Variants in ASTN2 observed in about 807,000 individuals in gnomAD.
ASTN2 encodes the protein astrotactin 2.
Under a neutral mutation model 139.8 loss-of-function variants are expected in ASTN2, and 54 were observed. That is an observed-to-expected ratio of 0.39 (90% confidence interval 0.31 to 0.48). The LOEUF is 0.48. Ranked by LOEUF, ASTN2 falls within the 20% of genes least tolerant of loss-of-function variation. The pLI is 0.95. For missense variants in ASTN2, 1,565 were observed against 1,725.1 expected (o/e 0.91, Z 1.64); for synonymous variants, 756 against 719.5 (o/e 1.05, Z -0.81).
chr9:117,096,041 T>C lies in ASTN2; in HGVS notation c.1276+3A>G. The C allele has an allele frequency of 6.2e-7, 1 of 1,613,744 alleles. No individual in the cohort carries two copies. Among genetic ancestry groups the C allele is most frequent in the Non-Finnish European group, 8.5e-7 (1 of 1,179,722 alleles). On this transcript the variant is annotated splice_donor_region_variant and intron_variant, in intron 5 of 22. Coordinates refer to ENST00000313400, the MANE Select transcript of ASTN2 (RefSeq NM_001365068.1). Reference sequence around the variant, plus strand: ...TTCTGGAACCTTCCAAGGACACTATTACCTTTGCTGCGGCGGCGACTGCGG... The same window carrying C: ...TTCTGGAACCTTCCAAGGACACTATCACCTTTGCTGCGGCGGCGACTGCGG...
intron 17 of ASTN2, among the ~76,000 whole-genome samples, chr9:116,624,665 T>C (rs1856350945): frequency 6.6e-6 from 1 of 152,230 alleles, no homozygotes; most frequent in South Asian, 2.1e-4. Flanking sequence ...CTGTAATTTT[T>C]ACACTAAAAA....
intron 13 of ASTN2, among the ~76,000 whole-genome samples, chr9:116,778,905 C>A (rs1830150737): frequency 6.6e-6 from 1 of 152,128 alleles, no homozygotes; most frequent in East Asian, 1.9e-4. Context: ...CCTCTTGAGA[C>A]ATCTGTGAAA....
intron 5 of ASTN2, among the ~76,000 whole-genome samples, chr9:117,085,266 G>A (rs971070240): frequency 1.3e-5 from 2 of 152,192 alleles, no homozygotes; most frequent in African/African-American, 4.8e-5. Context: ...ATCCTAGCCT[G>A]TGGCTAAGTT....
intron 1 of ASTN2, among the ~76,000 whole-genome samples, chr9:117,335,797 T>C (rs1282143466): frequency 6.6e-6 from 1 of 152,052 alleles, no homozygotes; most frequent in African/African-American, 2.4e-5. Flanking sequence ...AAAAGGGACT[T>C]GCTCAAGATC....
At chr9:116,860,691 C>G (rs143723134) in intron 11 of ASTN2, among the ~76,000 whole-genome samples, 16 of 152,290 alleles carry the variant, frequency 1.1e-4, no homozygotes, top group African/African-American at 1.4e-4. Flanking sequence ...GAGACATGGT[C>G]TTGGTCCTCC....
At chr9:116,483,420 A>T (rs1382160607) in intron 20 of ASTN2, among the ~76,000 whole-genome samples, 1 of 152,104 alleles carries the variant, frequency 6.6e-6, no homozygotes, top group Non-Finnish European at 1.5e-5. Flanking sequence ...GCTACAGAAA[A>T]AATTTGCCTT....
chr9:116,453,085 T>TCTGAG (rs1228836214), intron 20 of ASTN2, among the ~76,000 whole-genome samples: 2 of 152,134 alleles, frequency 1.3e-5, no homozygotes, highest in Non-Finnish European at 2.9e-5. Context: ...TCTACTCAGT[T>TCTGAG]CTGAGCTGAG....
chr9:116,875,920 T>C (rs896055066), intron 10 of ASTN2, among the ~76,000 whole-genome samples: 3 of 152,226 alleles, frequency 2.0e-5, no homozygotes, highest in African/African-American at 7.2e-5. Flanking sequence ...CATAAGAGGT[T>C]AATGTTGTTT....
chr9:116,704,576 G>C (rs1827941809), intron 16 of ASTN2, among the ~76,000 whole-genome samples: 1 of 152,194 alleles, frequency 6.6e-6, no homozygotes, highest in Non-Finnish European at 1.5e-5. Context: ...ATTATAGGGG[G>C]CAAAAGCATC....
chr9:117,106,233 T>C (rs533567705), intron 4 of ASTN2, among the ~76,000 whole-genome samples: 6 of 152,274 alleles, frequency 3.9e-5, no homozygotes, highest in Non-Finnish European at 7.3e-5. Context: ...TTTCTTCTTT[T>C]TTTTTTCTTT....
intron 4 of ASTN2, among the ~76,000 whole-genome samples, chr9:117,117,293 G>A (rs763237540): frequency 5.3e-5 from 8 of 150,940 alleles, no homozygotes; most frequent in South Asian, 2.1e-4. Context: ...GTTGCTATTT[G>A]CACTTTTTCT....
At chr9:116,489,498 A>G (rs1262588383) in intron 19 of ASTN2, among the ~76,000 whole-genome samples, 1 of 152,062 alleles carries the variant, frequency 6.6e-6, no homozygotes, top group Non-Finnish European at 1.5e-5. Context: ...CACCACACCC[A>G]GCTGACTTTT....
At chr9:116,496,972 A>G (rs1365821148) in intron 19 of ASTN2, among the ~76,000 whole-genome samples, 1 of 152,222 alleles carries the variant, frequency 6.6e-6, no homozygotes, top group Non-Finnish European at 1.5e-5. Flanking sequence ...CTATAATTCA[A>G]GATGAGACTT....
At chr9:116,426,494 C>G (rs1445504130) in intron 22 of ASTN2, among the ~76,000 whole-genome samples, 1 of 152,080 alleles carries the variant, frequency 6.6e-6, no homozygotes, top group Non-Finnish European at 1.5e-5. Flanking sequence ...TTTATTTAGC[C>G]TTTATAACTA....
At chr9:117,328,061 A>G (rs1019081745) in intron 1 of ASTN2, among the ~76,000 whole-genome samples, 2 of 152,186 alleles carry the variant, frequency 1.3e-5, no homozygotes, top group African/African-American at 4.8e-5. Context: ...AGGGCTGTGG[A>G]ATGAAAAGAT....
rs568453442 is a variant in ASTN2, at chr9:117,078,570, C to T, written c.1276+17474G>A. ...GTAGTTTATTTAACCAGAGAAGAAC[C>T]GAGGCCACAGAATTTAATTGATCTG... On this transcript the variant is annotated intron_variant, in intron 5 of 22. Transcript: ENST00000313400. 5.3e-5 allele frequency among the ~76,000 whole-genome samples: 8 copies of T among 152,164 alleles called. No homozygotes were observed. The South Asian group carries it at 6.2e-4, about 12-fold the overall frequency.
chr9:116,587,949 T>C (rs1358859), intron 19 of ASTN2, among the ~76,000 whole-genome samples: 19,136 of 152,188 alleles, frequency 0.13, 1,299 homozygotes, highest in Non-Finnish European at 0.14. Context: ...AGAGAAGAGT[T>C]TGAAAGCCCC....
At chr9:116,838,268 C>A (rs1832076603) in intron 11 of ASTN2, among the ~76,000 whole-genome samples, 1 of 151,794 alleles carries the variant, frequency 6.6e-6, no homozygotes, top group South Asian at 2.1e-4. Flanking sequence ...CACCAACACG[C>A]CTGGCTAATT....
At chr9:117,327,321 C>T (rs1828551137) in intron 1 of ASTN2, among the ~76,000 whole-genome samples, 1 of 152,172 alleles carries the variant, frequency 6.6e-6, no homozygotes, top group Non-Finnish European at 1.5e-5. Flanking sequence ...ACCCTAATTA[C>T]TTCCTTATCA....
Sources: allele counts gnomAD v4.1 joint callset (sites outside exome capture counted in the v4.1 genomes callset), GRCh38; gene constraint gnomAD v4.1.1; transcripts MANE v1.5; gene names NCBI Gene and HGNC (gene_info 2026-07-23, HGNC 2026-07-21).